Variants in KIAA2012 observed in about 807,000 individuals in gnomAD.
KIAA2012 encodes the protein uncharacterized protein KIAA2012.
In KIAA2012, 125 loss-of-function variants were observed where a neutral mutation model predicts 150.6. The ratio of observed to expected loss-of-function variants is 0.83; its 90% CI spans 0.72 to 0.96. The LOEUF is 0.96. KIAA2012 is among the 40% of genes least tolerant of loss of function. The pLI is 0.00. For missense variants in KIAA2012, 1,219 were observed against 1,354.9 expected (o/e 0.90, Z 1.57); for synonymous variants, 462 against 504.7 (o/e 0.92, Z 1.13).
chr2:202,167,990 C>T (rs1373629709), intron 15 of KIAA2012, among the ~76,000 whole-genome samples: 1 of 152,174 alleles, frequency 6.6e-6, no homozygotes, highest in Non-Finnish European at 1.5e-5. Context: ...CACTTACTAG[C>T]TGTGTGACCT....
At chr2:202,190,018 T>C (rs1692296530) in intron 18 of KIAA2012, among the ~76,000 whole-genome samples, 156 bp from the exon 19 acceptor site, 1 of 150,500 alleles carries the variant, frequency 6.6e-6, no homozygotes, top group African/African-American at 2.4e-5. Context: ...AGCCCAGGAG[T>C]TCGAGGCTGC....
chr2:202,098,833 C>T (rs530697254), intron 5 of KIAA2012, among the ~76,000 whole-genome samples: 21 of 151,578 alleles, frequency 1.4e-4, no homozygotes, highest in Admixed American at 5.3e-4. Flanking sequence ...CGCGCGCGCG[C>T]GCGCAGGATA....
In KIAA2012 at chr2:202,097,413, GACCCATTGTTC is replaced by G. The variant is rs1409273593; in HGVS notation, c.686-18_686-8del. ...ACGTCCATTTCCAGGGTGACAAGCT[GACCCATTGTTC>G]ACCATTGCAGGTCAACAGGGCCTGG... On this transcript the variant is annotated splice_polypyrimidine_tract_variant and intron_variant, in intron 4 of 23. Coordinates refer to ENST00000498697, the MANE Select transcript of KIAA2012 (RefSeq NM_001277372.4). The G allele has an allele frequency of 6.5e-7, 1 of 1,549,946 alleles. No homozygotes were observed. The highest frequency in any genetic ancestry group is 8.7e-7 in the Non-Finnish European group (1 of 1,146,726).
chr2:202,092,578 A>G (rs1308052781), intron 3 of KIAA2012, among the ~76,000 whole-genome samples: 1 of 152,172 alleles, frequency 6.6e-6, no homozygotes, highest in Non-Finnish European at 1.5e-5. Context: ...GTTCCACTGT[A>G]TCTACTTCAC....
intron 2 of KIAA2012, among the ~76,000 whole-genome samples, chr2:202,083,690 A>G: frequency 6.8e-6 from 1 of 146,782 alleles, no homozygotes; most frequent in East Asian, 2.0e-4. Context: ...GGCCTAAAAC[A>G]GTGCCTGACA....
At chr2:202,191,001 G>A (rs942567748) in intron 19 of KIAA2012, among the ~76,000 whole-genome samples, 10 of 152,166 alleles carry the variant, frequency 6.6e-5, no homozygotes, top group Non-Finnish European at 8.8e-5. Flanking sequence ...CTTTTGGGCC[G>A]GGCATGGTAG....
chr2:202,073,823 G>A, intron 1 of KIAA2012, 112 bp downstream of exon 1: 1 of 850,566 alleles, frequency 1.2e-6, no homozygotes, highest in Middle Eastern at 2.3e-4. Flanking sequence ...TAGTGAGGTG[G>A]CGGGGTCACT....
chr2:202,168,372 T>C (rs1691816450), intron 15 of KIAA2012, among the ~76,000 whole-genome samples: 1 of 146,300 alleles, frequency 6.8e-6, no homozygotes, highest in South Asian at 2.2e-4. Flanking sequence ...TGAGCCGAGA[T>C]TGTGCCACTG....
chr2:202,174,242 G>A (rs1691950318), intron 15 of KIAA2012, among the ~76,000 whole-genome samples: 1 of 152,188 alleles, frequency 6.6e-6, no homozygotes, highest in African/African-American at 2.4e-5. Flanking sequence ...TGGGATTACA[G>A]GCATGCGGCA....
intron 14 of KIAA2012, among the ~76,000 whole-genome samples, chr2:202,163,329 C>T (rs563646268): frequency 9.2e-5 from 14 of 152,008 alleles, no homozygotes; most frequent in Admixed American, 2.6e-4. Flanking sequence ...GTCTCGAGCT[C>T]CTGACCTCAT....
chr2:202,108,019 GCAA>G (rs1045143205), intron 9 of KIAA2012, among the ~76,000 whole-genome samples: 3 of 151,788 alleles, frequency 2.0e-5, no homozygotes, highest in East Asian at 1.9e-4. Context: ...AACAACAACA[GCAA>G]CAACAACAAC....
At chr2:202,171,112 TACACACACAC>T (rs10532176) in intron 15 of KIAA2012, among the ~76,000 whole-genome samples, 11 of 149,722 alleles carry the variant, frequency 7.3e-5, no homozygotes, top group Non-Finnish European at 1.3e-4. Flanking sequence ...AAAGAAATAC[TACACACACAC>T]ACACACACAC....
chr2:202,149,549 G>A (rs1391128639), intron 13 of KIAA2012, among the ~76,000 whole-genome samples: 3 of 152,218 alleles, frequency 2.0e-5, no homozygotes, highest in African/African-American at 7.2e-5. Context: ...TGTGAGCTGC[G>A]TGGGAGGGAG....
At chr2:202,108,562 G>T (rs1202367376) in intron 9 of KIAA2012, among the ~76,000 whole-genome samples, 3 of 152,188 alleles carry the variant, frequency 2.0e-5, no homozygotes, top group African/African-American at 7.2e-5. Context: ...TTTTGAAGAA[G>T]ATGGGCCAGT....
At chr2:202,201,715 T>C in intron 22 of KIAA2012, 2 of 1,547,196 alleles carry the variant, frequency 1.3e-6, no homozygotes, top group Non-Finnish European at 1.8e-6. Context: ...TGGTGGGGAC[T>C]GTGGCAGCCC....
chr2:202,083,445 A>C (rs1450596956), intron 2 of KIAA2012, among the ~76,000 whole-genome samples: 2 of 144,978 alleles, frequency 1.4e-5, no homozygotes, highest in Admixed American at 1.4e-4. Flanking sequence ...TCACACATGC[A>C]CAGGTGCAAC....
chr2:202,194,635 A>T (rs1012552246), intron 21 of KIAA2012, among the ~76,000 whole-genome samples: 2 of 51,304 alleles, frequency 3.9e-5, no homozygotes, highest in African/African-American at 1.6e-4. Context: ...ACACAGCCCT[A>T]CTCTTTGCTT....
chr2:202,080,171 T>TCCC (rs1377716803), intron 2 of KIAA2012, among the ~76,000 whole-genome samples: 3 of 152,170 alleles, frequency 2.0e-5, no homozygotes, highest in Admixed American at 1.3e-4. Flanking sequence ...AAGAAGCATC[T>TCCC]CCCCAGCTTT....
At chr2:202,193,821 C>CT (rs1384998433) in intron 20 of KIAA2012, among the ~76,000 whole-genome samples, 1 of 152,224 alleles carries the variant, frequency 6.6e-6, no homozygotes, top group Non-Finnish European at 1.5e-5. Flanking sequence ...CCAGAAAACA[C>CT]TTGTCAAGCC....
Sources: gnomAD v4.1 joint callset for allele counts (sites outside exome capture counted in the v4.1 genomes callset) on GRCh38, gnomAD v4.1.1 for gene constraint, MANE v1.5 for transcripts, NCBI Gene and HGNC (gene_info 2026-07-23, HGNC 2026-07-21) for gene names.